CDAN1: variants seen among roughly 807,000 people sequenced by gnomAD.
CDAN1 encodes codanin-1.
Under a neutral mutation model 139.8 loss-of-function variants are expected in CDAN1, and 107 were observed. The ratio of observed to expected loss-of-function variants is 0.77; its 90% CI spans 0.65 to 0.90. The LOEUF (loss-of-function observed/expected upper bound fraction) is 0.90, where lower values mean the gene tolerates loss of function less well. Among genes scored for constraint, CDAN1 ranks in the 40% least tolerant of loss-of-function variants. CDAN1 has a pLI of 0.00. For missense variants in CDAN1, 1,667 were observed against 1,575.7 expected (o/e 1.06, Z -0.98); for synonymous variants, 776 against 660.6 (o/e 1.17, Z -2.68).
rs904173420 is a variant in CDAN1 at position 42,724,050 on chromosome 15, G to A, written c.*441C>T. On this transcript the variant is annotated 3_prime_UTR_variant, in exon 28 of 28. Coordinates refer to ENST00000356231, the MANE Select transcript of CDAN1 (RefSeq NM_138477.4). ...TAAGGAGATGGCAGTCCAGCTCCTG[G>A]TGATAAGAAAATGTAGACTCCCAAG... 7.5e-6 allele frequency: 2 copies of A among 266,750 alleles called. No homozygotes were observed. Among genetic ancestry groups the A allele is most frequent in the Non-Finnish European group, 1.5e-5 (2 of 135,526 alleles). The allele number at this position is 266,750 out of a possible 1,614,324, so 16.5% of individuals were successfully genotyped here.
Position 42,736,415 on chromosome 15 carries a change from CCTCCGGCCCCCGG to C in CDAN1, c.443_455del (p.Ala148GlyfsTer30), listed in dbSNP as rs2061688692. ...GGCTGGGGCTGCCAGAGCCCCTAAGCCTCCGGCCCCCGGCTCCGGGCAGGCTCTCCCCGCTGAC... is the reference window on the plus strand; with the variant it reads ...GGCTGGGGCTGCCAGAGCCCCTAAGCCTCCGGGCAGGCTCTCCCCGCTGAC... On this transcript the variant is annotated frameshift_variant, in exon 2 of 28. Coordinates refer to ENST00000356231, the MANE Select transcript of CDAN1 (RefSeq NM_138477.4). LOFTEE classifies it high-confidence loss of function. 1 of 1,607,392 alleles carries C rather than the reference CCTCCGGCCCCCGG, an allele frequency of 6.2e-7. No homozygotes were observed.
At position 42,736,445 on chromosome 15, in the gene CDAN1, C is replaced by A; in HGVS notation, c.426G>T (p.Gly142=). ...GGRGLEEGVS[G]ESLPGAGGRR... is the part of the protein sequence containing the mutation. ...GGCCCCCGGCTCCGGGCAGGCTCTCCCCGCTGACCCCCTCCTCCAGGCCGC... is the reference window on the plus strand; with the variant it reads ...GGCCCCCGGCTCCGGGCAGGCTCTCACCGCTGACCCCCTCCTCCAGGCCGC... Residue 142 remains glycine (G), a synonymous_variant, in exon 2 of 28, where the codon GGG becomes GGT. Transcript: ENST00000356231. 7.0e-6 allele frequency: 11 copies of A among 1,575,048 alleles called. No individual in the cohort carries two copies. Among genetic ancestry groups the A allele is most frequent in the Non-Finnish European group, 9.5e-6 (11 of 1,161,980 alleles).
chr15:42,736,990 T>TGGG (rs1485934084), intron 1 of CDAN1, 23 bp downstream of exon 1: 1 of 1,537,232 alleles, frequency 6.5e-7, no homozygotes, highest in African/African-American at 1.4e-5. Context: ...GAGTCAGACC[T>TGGG]GGGGGCGTGT....
At chr15:42,734,541 C>G (rs1334187819) in intron 6 of CDAN1, among the ~76,000 whole-genome samples, 195 bp from the exon 7 acceptor site, 1 of 152,138 alleles carries the variant, frequency 6.6e-6, no homozygotes, top group Non-Finnish European at 1.5e-5. Flanking sequence ...GAGCAAGGAC[C>G]AAGACAGCAG....
intron 8 of CDAN1, 30 bp downstream of exon 8, chr15:42,733,908 C>T (rs1347210836): frequency 6.7e-7 from 1 of 1,487,358 alleles, no homozygotes; most frequent in Non-Finnish European, 9.4e-7. Context: ...TCATCTCATT[C>T]CCTCCCCAAA....
At chr15:42,731,418 A>G in intron 11 of CDAN1, 87 bp from the exon 12 acceptor site, 2 of 1,582,266 alleles carry the variant, frequency 1.3e-6, no homozygotes, top group Non-Finnish European at 8.7e-7. Context: ...GAGGGAAGGG[A>G]GCAGCAGGAC....
At position 42,728,694 on chromosome 15, in the gene CDAN1, T is replaced by C. The variant is rs1417992076; in HGVS notation, c.2762A>G (p.Gln921Arg). The change falls in exon 20 of 28, where the codon CAG (glutamine) becomes CGG (arginine). Residue 921 changes from glutamine to arginine, a missense_variant. Physicochemically the swap from Gln to Arg is conservative, Grantham distance 43. Transcript: ENST00000356231. Reference sequence around the variant, plus strand: ...TGCCTGGGCCCCGTGAGGGCACAGCTGGGAACACAAGATCTCCAACAGCTG... The same window carrying C: ...TGCCTGGGCCCCGTGAGGGCACAGCCGGGAACACAAGATCTCCAACAGCTG... ...PAQLLEILCS[Q>R]LCPHGAQALA... The C allele has an allele frequency of 5.0e-6, 8 of 1,614,172 alleles. No homozygotes were observed. The highest frequency in any genetic ancestry group is 6.8e-6 in the Non-Finnish European group (8 of 1,180,026).
Position 42,727,786 on chromosome 15 carries a change from G to C in CDAN1, c.2948-17C>G. 6.2e-7 allele frequency: 1 copy of C among 1,606,800 alleles called. No individual in the cohort carries two copies. The highest frequency in any genetic ancestry group is 8.5e-7 in the Non-Finnish European group (1 of 1,175,732). On this transcript the variant is annotated splice_polypyrimidine_tract_variant and intron_variant, in intron 22 of 27. Transcript: ENST00000356231. Reference sequence around the variant, plus strand: ...TGATCAGTGCTGTGGGGCAGAGGGAGAATGGGAAAGGAATCACGGGAGGGC... The same window carrying C: ...TGATCAGTGCTGTGGGGCAGAGGGACAATGGGAAAGGAATCACGGGAGGGC...
chr15:42,730,065 T>C, intron 15 of CDAN1, 63 bp downstream of exon 15: 2 of 1,484,658 alleles, frequency 1.3e-6, no homozygotes, highest in South Asian at 1.1e-5. Flanking sequence ...CACTCAGACA[T>C]TTGCCCACTC....
chr15:42,730,909 TC>T lies in CDAN1; in HGVS notation c.2007+15del. The T allele has an allele frequency of 6.2e-7, 1 of 1,613,780 alleles. No homozygotes were observed. Among genetic ancestry groups the T allele is most frequent in the Non-Finnish European group, 8.5e-7 (1 of 1,179,936 alleles). On this transcript the variant is annotated intron_variant, in intron 13 of 27. Coordinates refer to ENST00000356231, the MANE Select transcript of CDAN1 (RefSeq NM_138477.4). ...CCTCCCTGCTCCCTCCTCACCAGAATCCCCCGCCCATTCACCTGGCTCCTGA... is the reference window on the plus strand; with the variant it reads ...CCTCCCTGCTCCCTCCTCACCAGAATCCCCGCCCATTCACCTGGCTCCTGA...
rs2061697987 is a variant in CDAN1, at chr15:42,736,912, C to G, written c.90+101G>C. ...GCGCCCAGTTGGAGTGCACTCGGCC[C>G]GGCTGGCAGCCAGGCGCCCTAGAGG... On this transcript the variant is annotated intron_variant, in intron 1 of 27. Coordinates refer to ENST00000356231, the MANE Select transcript of CDAN1 (RefSeq NM_138477.4). The G allele has an allele frequency of 6.1e-6, 9 of 1,468,824 alleles. No homozygotes were observed. In the South Asian group the frequency reaches 9.0e-5, roughly 15 times the overall value. The allele number at this position is 1,468,824 out of a possible 1,614,324, so 91.0% of individuals were successfully genotyped here.
intron 23 of CDAN1, chr15:42,727,275 T>TGTC (rs1324503968): frequency 4.3e-6 from 1 of 232,380 alleles, no homozygotes; most frequent in Non-Finnish European, 8.3e-6. Flanking sequence ...TTTCTGAAAT[T>TGTC]GTCTCCAAAT....
At chr15:42,728,567 GGGAAAAAAGAGTAAGTGTGAA>G in intron 20 of CDAN1, 64 bp downstream of exon 20, 2 of 1,559,374 alleles carry the variant, frequency 1.3e-6, no homozygotes, top group Non-Finnish European at 1.8e-6. Context: ...AGAGAAGAAA[GGGAAAAAAGAGTAAGTGTGAA>G]GGAGGAAAGA....
intron 14 of CDAN1, 62 bp downstream of exon 14, chr15:42,730,536 A>T: frequency 6.3e-7 from 1 of 1,578,238 alleles, no homozygotes; most frequent in Non-Finnish European, 8.7e-7. Flanking sequence ...TATTAATAGC[A>T]GGCTTGACCA....
chr15:42,730,328 A>G, intron 14 of CDAN1, 113 bp from the exon 15 acceptor site: 9 of 1,078,408 alleles, frequency 8.3e-6, no homozygotes, highest in South Asian at 3.8e-5. Context: ...GACTGGGGCC[A>G]TGTTGGCAAG....
At chr15:42,731,494 C>G in intron 11 of CDAN1, 126 bp downstream of exon 11, 10 of 1,413,208 alleles carry the variant, frequency 7.1e-6, no homozygotes, top group Non-Finnish European at 1.0e-5. Context: ...TGCAATGAAG[C>G]CAGCAAGTTG....
rs1286980920 is a variant in CDAN1 at position 42,737,052 on chromosome 15, G to T, written c.51C>A (p.Ala17=). The part of the protein sequence containing the change: ...SLLREEVSVA[A]VVRWIARSTQ... Reference sequence around the variant, plus strand: ...TGCTGCGCGCGATCCACCGCACGACGGCTGCGACCGACACCTCTTCTCGCA... The same window carrying T: ...TGCTGCGCGCGATCCACCGCACGACTGCTGCGACCGACACCTCTTCTCGCA... The change falls in exon 1 of 28, where the codon GCC becomes GCA. Residue 17 remains alanine (A), a synonymous_variant. Transcript: ENST00000356231. 6.5e-7 allele frequency: 1 copy of T among 1,546,844 alleles called. No homozygotes were observed. Among genetic ancestry groups the T allele is most frequent in the Admixed American group, 1.9e-5 (1 of 51,320 alleles).
rs73410955 is a variant in CDAN1, at chr15:42,730,331, T to C, written c.2175-116A>G. ...AGAACTAAAAGGGACTGGGGCCATG[T>C]TGGCAAGCAGGATCCCCCCAGCCCC... On this transcript the variant is annotated intron_variant, in intron 14 of 27. Transcript: ENST00000356231. 25,990 of 1,060,742 alleles carry C rather than the reference T, an allele frequency of 0.025. 2,530 individuals are homozygous for C. In the African/African-American group the frequency reaches 0.26, roughly 11 times the overall value. 65.7% of individuals were successfully genotyped at this position (1,060,742 alleles called of 1,614,324 possible). A position where few individuals can be genotyped will look rare whatever the true frequency, so the allele number is the denominator to read the frequency against.
intron 9 of CDAN1, 120 bp downstream of exon 9, chr15:42,732,977 A>G: frequency 1.2e-6 from 1 of 828,046 alleles, no homozygotes; most frequent in Non-Finnish European, 2.1e-6. Flanking sequence ...GGAGGATAGT[A>G]GAAAACAGCT....
Sources: allele counts gnomAD v4.1 joint callset (sites outside exome capture counted in the v4.1 genomes callset), GRCh38; gene constraint gnomAD v4.1.1; transcripts MANE v1.5; gene names NCBI Gene and HGNC (gene_info 2026-07-23, HGNC 2026-07-21).